The following DNAAF4 variants were observed in gnomAD, a reference collection of about 807,000 sequenced individuals.
DNAAF4 encodes the protein dynein assembly factor 4, axonemal.
A neutral mutation model predicts 51.8 loss-of-function variants in DNAAF4; 43 were observed. That is an observed-to-expected ratio of 0.83 (90% CI 0.65 to 1.07). DNAAF4 has a LOEUF of 1.07. Ranked by LOEUF, DNAAF4 falls within the 50% of genes least tolerant of loss-of-function variation. The probability of loss-of-function intolerance (pLI) is 0.00; values close to 1 mark genes in which losing one functional copy is unlikely to be tolerated. For missense variants in DNAAF4, 581 were observed against 493.0 expected, an observed-to-expected ratio of 1.18 and a Z score of -1.69; for synonymous variants, 194 against 165.6, an observed-to-expected ratio of 1.17 and a Z score of -1.32.
intron 4 of DNAAF4, among the ~76,000 whole-genome samples, chr15:55,482,149 T>C (rs967876600): frequency 6.6e-6 from 1 of 152,234 alleles, no homozygotes; most frequent in African/African-American, 2.4e-5. Flanking sequence ...TTTTGTTCAA[T>C]TCTTTGTTTA....
intron 4 of DNAAF4, among the ~76,000 whole-genome samples, chr15:55,489,675 A>C (rs2058542718): frequency 1.4e-5 from 1 of 71,582 alleles, no homozygotes; most frequent in Admixed American, 1.1e-4. Context: ...ACACCATTTC[A>C]AAAAAAAAAA....
intron 6 of DNAAF4, chr15:55,443,018 T>C (rs746893534): frequency 1.4e-4 from 220 of 1,611,374 alleles, no homozygotes; most frequent in Non-Finnish European, 1.8e-4. Flanking sequence ...TCAAAGCTTC[T>C]GGTGAAGAGC....
rs781182567 is a variant in DNAAF4 at position 55,430,784 on chromosome 15, G to A, written c.1154-5C>T. On this transcript the variant is annotated splice_region_variant and splice_polypyrimidine_tract_variant and intron_variant, in intron 9 of 9. Coordinates refer to ENST00000321149, the MANE Select transcript of DNAAF4 (RefSeq NM_130810.4). ...CCGCTTCATAATCCTGTAGGCCTGT[G>A]TTTATATAGCAATGATGATTAATAC... is the stretch of plus-strand genomic sequence containing the variant. 1.3e-6 allele frequency: 2 copies of A among 1,596,438 alleles called. No homozygotes were observed. Among genetic ancestry groups the A allele is most frequent in the South Asian group, 1.1e-5 (1 of 90,048 alleles).
intron 3 of DNAAF4, among the ~76,000 whole-genome samples, chr15:55,492,421 A>G (rs2058587481): frequency 6.6e-6 from 1 of 152,186 alleles, no homozygotes; most frequent in South Asian, 2.1e-4. Context: ...ACCTTGGCAG[A>G]GTAGTGAATC....
chr15:55,453,326 A>G (rs78958755), intron 5 of DNAAF4, among the ~76,000 whole-genome samples: 7,990 of 152,224 alleles, frequency 0.052, 311 homozygotes, highest in South Asian at 0.097. Flanking sequence ...GTCAGGCAAA[A>G]AAGCACAATT....
chr15:55,502,114 G>T (rs1436773677), intron 1 of DNAAF4, among the ~76,000 whole-genome samples: 2 of 152,016 alleles, frequency 1.3e-5, no homozygotes, highest in African/African-American at 4.8e-5. Context: ...TCTGAAATAT[G>T]CCCTTCAGCC....
chr15:55,489,431 TG>T (rs1440765040), intron 4 of DNAAF4, among the ~76,000 whole-genome samples: 7 of 152,080 alleles, frequency 4.6e-5, no homozygotes, highest in Non-Finnish European at 8.8e-5. Context: ...CCCAACACTT[TG>T]GGAGGCCAAG....
At chr15:55,480,206 T>C (rs1034236236) in intron 4 of DNAAF4, among the ~76,000 whole-genome samples, 3 of 152,104 alleles carry the variant, frequency 2.0e-5, no homozygotes, top group Non-Finnish European at 4.4e-5. Flanking sequence ...GTCCTACCGA[T>C]ATGTGATGTC....
At chr15:55,472,418 G>T (rs1013610054) in intron 4 of DNAAF4, among the ~76,000 whole-genome samples, 55 of 152,124 alleles carry the variant, frequency 3.6e-4, no homozygotes, top group African/African-American at 1.2e-3. Flanking sequence ...AGGAGTTCAA[G>T]AACAACCTGG....
chr15:55,427,122 A>C (rs1450932718), downstream of DNAAF4, among the ~76,000 whole-genome samples: 1 of 152,028 alleles, frequency 6.6e-6, no homozygotes, highest in African/African-American at 2.4e-5. Context: ...GCTGGAGTGC[A>C]GTGGCCCGAT....
intron 4 of DNAAF4, among the ~76,000 whole-genome samples, chr15:55,472,851 T>C (rs2058274088): frequency 6.6e-6 from 1 of 152,044 alleles, no homozygotes; most frequent in Non-Finnish European, 1.5e-5. Context: ...GTGAATTACA[T>C]GCAAAAATTG....
intron 3 of DNAAF4, among the ~76,000 whole-genome samples, chr15:55,496,972 C>G (rs1489444398): frequency 1.3e-5 from 2 of 152,150 alleles, no homozygotes; most frequent in Admixed American, 6.5e-5. Context: ...ATTGACTATT[C>G]TCCCAGAAAA....
At chr15:55,506,659 C>G (rs1223509552) in intron 1 of DNAAF4, among the ~76,000 whole-genome samples, 1 of 151,962 alleles carries the variant, frequency 6.6e-6, no homozygotes, top group African/African-American at 2.4e-5. Flanking sequence ...TATAGGTGTT[C>G]ATAGCAACTT....
intron 7 of DNAAF4, chr15:55,418,508 C>G (rs1015033281): frequency 1.3e-6 from 2 of 1,526,488 alleles, no homozygotes; most frequent in African/African-American, 1.4e-5. Flanking sequence ...AAATAACACT[C>G]TAAATACTGC....
At chr15:55,483,833 C>G (rs1332709717) in intron 4 of DNAAF4, among the ~76,000 whole-genome samples, 2 of 82,504 alleles carry the variant, frequency 2.4e-5, no homozygotes, top group African/African-American at 9.7e-5. Flanking sequence ...GCCAATAAAG[C>G]TTTTTTTTTT....
rs538709379 is a variant in DNAAF4 at position 55,460,236 on chromosome 15, C to T, written c.637+6694G>A. ...CACTCTGTCGCCCAGGCTGGAGTGCCGTGGTGCAGTCTCGGCTCACTGCAA... is the reference window on the plus strand; with the variant it reads ...CACTCTGTCGCCCAGGCTGGAGTGCTGTGGTGCAGTCTCGGCTCACTGCAA... On this transcript the variant is annotated intron_variant, in intron 5 of 9. Coordinates refer to ENST00000321149, the MANE Select transcript of DNAAF4 (RefSeq NM_130810.4). Among the ~76,000 whole-genome samples, 395 of 148,618 alleles carry T rather than the reference C, an allele frequency of 2.7e-3. 3 individuals carry two copies. The highest frequency in any genetic ancestry group is 9.3e-3 in the African/African-American group (380 of 40,772).
At chr15:55,495,236 A>G (rs992277582) in intron 3 of DNAAF4, 3 of 151,018 alleles carry the variant, frequency 2.0e-5, no homozygotes, top group African/African-American at 7.3e-5. Flanking sequence ...AAAAAAATTA[A>G]GTAAACTGGC....
At chr15:55,446,058 G>A (rs142476521) in intron 6 of DNAAF4, among the ~76,000 whole-genome samples, 48,909 of 100,332 alleles carry the variant, frequency 0.49, 12,017 homozygotes, top group East Asian at 0.77. Flanking sequence ...GGCACTCCCC[G>A]CTTCCCAGAT....
At chr15:55,503,021 C>A (rs182624524) in intron 1 of DNAAF4, among the ~76,000 whole-genome samples, 41 of 151,978 alleles carry the variant, frequency 2.7e-4, no homozygotes, top group African/African-American at 9.9e-4. Flanking sequence ...AATTGATAGA[C>A]CTGTAGCAAG....
Sources: gnomAD v4.1 joint callset for allele counts (sites outside exome capture counted in the v4.1 genomes callset) on GRCh38, gnomAD v4.1.1 for gene constraint, MANE v1.5 for transcripts, NCBI Gene and HGNC (gene_info 2026-07-23, HGNC 2026-07-21) for gene names.